Variants in HTT observed in about 807,000 individuals in gnomAD.
HTT encodes the protein huntington disease protein.
Under a neutral mutation model 362.3 loss-of-function variants are expected in HTT, and 104 were observed. That is an observed-to-expected ratio of 0.29 (90% CI 0.24 to 0.34). The LOEUF is 0.34. Among genes scored for constraint, HTT ranks in the 10% least tolerant of loss-of-function variants. HTT has a pLI of 1.00. For missense variants in HTT, 3,301 were observed against 3,928.6 expected (o/e 0.84, Z 4.27); for synonymous variants, 1,577 against 1,548.7 (o/e 1.02, Z -0.43).
chr4:3,112,253 T>C (rs1174099332), intron 6 of HTT, among the ~76,000 whole-genome samples: 1 of 152,232 alleles, frequency 6.6e-6, no homozygotes, highest in East Asian at 1.9e-4. Flanking sequence ...CAAACACTGA[T>C]ACTCCCTTGT....
intron 27 of HTT, among the ~76,000 whole-genome samples, chr4:3,155,326 A>T (rs1393208431): frequency 6.6e-6 from 1 of 151,418 alleles, no homozygotes; most frequent in African/African-American, 2.4e-5. Flanking sequence ...GGTTCAAGCA[A>T]TTCTCCTGCC....
rs750914925 is a variant in HTT, at chr4:3,214,063, G to C, written c.6880G>C (p.Val2294Leu). 1.2e-6 allele frequency: 2 copies of C among 1,608,818 alleles called. No individual in the cohort carries two copies. The highest frequency in any genetic ancestry group is 1.7e-5 in the Admixed American group (1 of 59,538). ...CCTGCAGCTGCCTGGCCTCTGGAGC[G>C]TGGTCTCCTCCACAGAGTTTGTGAC... The part of the protein sequence containing the change: ...LALQLPGLWS[V>L]VSSTEFVTHA... Residue 2294 changes from valine to leucine, a missense_variant, in exon 50 of 67, where the codon GTG becomes CTG. Transcript: ENST00000355072.
At chr4:3,132,454 T>A in intron 16 of HTT, 108 bp from the exon 17 acceptor site, 1 of 883,782 alleles carries the variant, frequency 1.1e-6, no homozygotes, top group Non-Finnish European at 1.7e-6. Context: ...TGAATTTGGA[T>A]CTTCTCTTCA....
intron 1 of HTT, among the ~76,000 whole-genome samples, chr4:3,085,310 G>T (rs924239347): frequency 1.3e-5 from 2 of 151,914 alleles, no homozygotes; most frequent in African/African-American, 4.8e-5. Flanking sequence ...ACTATTTTTT[G>T]TATTTTTAGT....
chr4:3,082,696 T>C (rs1712979493), intron 1 of HTT, among the ~76,000 whole-genome samples: 1 of 152,200 alleles, frequency 6.6e-6, no homozygotes, highest in African/African-American at 2.4e-5. Context: ...TTGTTGTTGC[T>C]AATAACAATG....
Position 3,084,744 on chromosome 4 carries a change from T to G in HTT, c.264-2195T>G, listed in dbSNP as rs183802532. ...TACAGCATTACTGGGCCGGGTGTGG[T>G]GGCTCACACCTGTAATCCCAGCACT... On this transcript the variant is annotated intron_variant, in intron 1 of 66. Transcript: ENST00000355072. Among the ~76,000 whole-genome samples the G allele has an allele frequency of 5.9e-3, 891 of 150,056 alleles. 5 individuals are homozygous for G. Among genetic ancestry groups the G allele is most frequent in the Non-Finnish European group, 8.4e-3 (568 of 67,770 alleles).
chr4:3,221,075 G>A (rs1720651477), intron 53 of HTT, among the ~76,000 whole-genome samples: 1 of 152,158 alleles, frequency 6.6e-6, no homozygotes, highest in Non-Finnish European at 1.5e-5. Context: ...CAGTGACTGT[G>A]CCCTGCTGTG....
chr4:3,107,441 G>C lies in HTT; in HGVS notation c.747+18G>C. 6.2e-7 allele frequency: 1 copy of C among 1,613,810 alleles called. No individual in the cohort carries two copies. The highest frequency in any genetic ancestry group is 8.5e-7 in the Non-Finnish European group (1 of 1,179,766). ...AAATTAAGGTATGATTGTTGCCTCA[G>C]GTCACAAACATGCGAGTGATGCTGT... is the stretch of plus-strand genomic sequence containing the variant. On this transcript the variant is annotated intron_variant, in intron 6 of 66. Transcript: ENST00000355072.
rs1720214317 is a variant in HTT, at chr4:3,212,598, G to A, written c.6663G>A (p.Leu2221=). Residue 2221 remains leucine, a synonymous_variant, in exon 49 of 67, where the codon CTG becomes CTA. Transcript: ENST00000355072. ...CACTGTATCAGTCCCTGCCCACTCTGGCCCGGGCCCTGGCACAGTACCTGG... is the reference window on the plus strand; with the variant it reads ...CACTGTATCAGTCCCTGCCCACTCTAGCCCGGGCCCTGGCACAGTACCTGG... The part of the protein sequence containing the change: ...DAALYQSLPT[L]ARALAQYLVV... 1 of 1,614,238 alleles carries A rather than the reference G, an allele frequency of 6.2e-7. No homozygotes were observed. Among genetic ancestry groups the A allele is most frequent in the Non-Finnish European group, 8.5e-7 (1 of 1,180,048 alleles).
intron 1 of HTT, among the ~76,000 whole-genome samples, chr4:3,085,163 A>C (rs1713142714): frequency 6.6e-6 from 1 of 151,312 alleles, no homozygotes; most frequent in African/African-American, 2.4e-5. Flanking sequence ...TTTTTGAGAC[A>C]GTCTGGCTCT....
chr4:3,158,555 A>C (rs563897732), intron 28 of HTT, among the ~76,000 whole-genome samples: 50 of 152,296 alleles, frequency 3.3e-4, no homozygotes, highest in Admixed American at 2.0e-3. Context: ...AAAAACTTAA[A>C]GATTATTTCA....
At position 3,206,604 on chromosome 4, in the gene HTT, G is replaced by A. The variant is rs201639415; in HGVS notation, c.5827G>A (p.Val1943Ile). The A allele has an allele frequency of 1.9e-5, 31 of 1,614,092 alleles. 1 individual carries two copies. The highest frequency in any genetic ancestry group is 5.5e-5 in the South Asian group (5 of 91,080). ...EPPVQDFISA[V>I]HRNSAASGLF... Reference sequence around the variant, plus strand: ...TCCAGTACAGGACTTCATCAGTGCCGTTCATCGGAACTCTGCTGCCAGCGG... The same window carrying A: ...TCCAGTACAGGACTTCATCAGTGCCATTCATCGGAACTCTGCTGCCAGCGG... Residue 1943 changes from valine to isoleucine, a missense_variant, in exon 43 of 67, where the codon GTT becomes ATT. By Grantham distance (29) the Val-to-Ile change is conservative. Around this residue, in one of 4 missense-constraint regions of HTT, gnomAD observed 2,316 missense variants for 2,658.5 expected, o/e 0.87. Coordinates refer to ENST00000355072, the MANE Select transcript of HTT (RefSeq NM_001388492.1). This position sits in a 1 kb window ranked among gnomAD's most constrained non-coding sequence, Gnocchi z 4.6.
intron 33 of HTT, among the ~76,000 whole-genome samples, chr4:3,176,009 T>G (rs548074290): frequency 1.3e-5 from 2 of 151,110 alleles, no homozygotes; most frequent in African/African-American, 2.5e-5. Flanking sequence ...GCTTGTTTTT[T>G]TTGTTGTTGT....
intron 56 of HTT, among the ~76,000 whole-genome samples, chr4:3,224,579 ACT>A (rs919146310): frequency 2.2e-4 from 34 of 151,372 alleles, no homozygotes; most frequent in African/African-American, 8.0e-4. Flanking sequence ...GTCACTGCCC[ACT>A]CTCCCACCAA....
chr4:3,238,404 G>T (rs1246580347), intron 64 of HTT, 43 bp from the exon 65 acceptor site: 2 of 1,520,050 alleles, frequency 1.3e-6, no homozygotes, highest in Admixed American at 1.8e-5. Context: ...TGGGGCAGCT[G>T]TGGGAGCTGG....
In HTT at chr4:3,145,133, A is replaced by C; in HGVS notation, c.3067-19A>C. ...CTTTGTGGTGTTTGGGTGTGATTTT[A>C]TTGTTTCTTTCTTCTCAGTTTGGAT... On this transcript the variant is annotated intron_variant, in intron 23 of 66. Coordinates refer to ENST00000355072, the MANE Select transcript of HTT (RefSeq NM_001388492.1). 6.3e-7 allele frequency: 1 copy of C among 1,588,890 alleles called. No homozygotes were observed. Among genetic ancestry groups the C allele is most frequent in the Non-Finnish European group, 8.6e-7 (1 of 1,157,352 alleles).
chr4:3,107,228 T>G, intron 5 of HTT, 57 bp from the exon 6 acceptor site: 1 of 1,583,164 alleles, frequency 6.3e-7, no homozygotes, highest in Non-Finnish European at 8.6e-7. Context: ...AATGAATTGC[T>G]TCTGTTTCTC....
intron 56 of HTT, 109 bp from the exon 57 acceptor site, chr4:3,225,546 AGGGCAG>A: frequency 1.2e-6 from 1 of 801,434 alleles, no homozygotes. Context: ...AGTGGCGGCG[AGGGCAG>A]GTGGCTCACG....
intron 2 of HTT, among the ~76,000 whole-genome samples, chr4:3,088,057 G>C (rs1186650500): frequency 2.0e-5 from 3 of 151,268 alleles, no homozygotes; most frequent in African/African-American, 4.9e-5. Flanking sequence ...GGCTGATCTC[G>C]AACTCCCAAC....
Sources: allele counts gnomAD v4.1 joint callset (sites outside exome capture counted in the v4.1 genomes callset), GRCh38; gene constraint gnomAD v4.1.1; regional missense constraint gnomAD v4.1.1; non-coding constraint Gnocchi (gnomAD v3.1); transcripts MANE v1.5; gene names NCBI Gene and HGNC (gene_info 2026-07-23, HGNC 2026-07-21).